TXNDC16: variants seen among roughly 807,000 people sequenced by gnomAD.
The protein encoded by TXNDC16 is thioredoxin domain-containing protein 16.
A neutral mutation model predicts 85.6 loss-of-function variants in TXNDC16; 74 were observed. The ratio of observed to expected loss-of-function variants is 0.86; its 90% CI spans 0.72 to 1.05. The LOEUF (loss-of-function observed/expected upper bound fraction) is 1.05, where lower values mean the gene tolerates loss of function less well. Ranked by LOEUF, TXNDC16 falls within the 50% of genes least tolerant of loss-of-function variation. TXNDC16 has a pLI of 0.00. For missense variants in TXNDC16, 959 were observed against 947.0 expected (o/e 1.01, Z -0.17); for synonymous variants, 335 against 326.5 (o/e 1.03, Z -0.28).
At chr14:52,530,113 T>C (rs1240325530) in intron 6 of TXNDC16, among the ~76,000 whole-genome samples, 2 of 93,846 alleles carry the variant, frequency 2.1e-5, no homozygotes, top group African/African-American at 8.9e-5. Context: ...ATATTTATAT[T>C]ATATATATTT....
chr14:52,511,114 A>G, intron 9 of TXNDC16, 126 bp downstream of exon 9: 3 of 736,880 alleles, frequency 4.1e-6, no homozygotes, highest in Non-Finnish European at 6.0e-6. Flanking sequence ...TATAACTGTC[A>G]TTCATCTAGT....
intron 6 of TXNDC16, among the ~76,000 whole-genome samples, chr14:52,529,701 A>C (rs33997980): frequency 2.6e-5 from 1 of 39,214 alleles, no homozygotes; most frequent in African/African-American, 1.7e-4. Flanking sequence ...ATTATATATA[A>C]TATATATAAT....
chr14:52,508,198 T>A (rs1275066885), intron 9 of TXNDC16, among the ~76,000 whole-genome samples: 2 of 151,946 alleles, frequency 1.3e-5, no homozygotes, highest in African/African-American at 2.4e-5. Context: ...GAATCTACAA[T>A]GAACTCAAAC....
chr14:52,517,479 C>T (rs1281239505), intron 7 of TXNDC16, among the ~76,000 whole-genome samples: 1 of 152,072 alleles, frequency 6.6e-6, no homozygotes, highest in East Asian at 1.9e-4. Context: ...GATTTTGTGT[C>T]TATTTCACTG....
intron 1 of TXNDC16, among the ~76,000 whole-genome samples, chr14:52,549,629 A>ATTTTTT (rs748701260): frequency 0.039 from 5,153 of 132,766 alleles, 153 homozygotes; most frequent in Non-Finnish European, 0.06. Context: ...AACAGTTCTG[A>ATTTTTT]TTTTTTTTTT....
At chr14:52,446,212 C>T (rs1184586704) in intron 18 of TXNDC16, among the ~76,000 whole-genome samples, 1 of 152,192 alleles carries the variant, frequency 6.6e-6, no homozygotes, top group Non-Finnish European at 1.5e-5. Flanking sequence ...CTTCTCCCAT[C>T]CCCTGGCAGT....
chr14:52,508,861 C>T (rs1315670210), intron 9 of TXNDC16, among the ~76,000 whole-genome samples: 1 of 151,748 alleles, frequency 6.6e-6, no homozygotes, highest in Non-Finnish European at 1.5e-5. Flanking sequence ...GACAAAAGAA[C>T]ACATTGACAC....
chr14:52,479,072 A>T (rs138208248), intron 14 of TXNDC16, among the ~76,000 whole-genome samples: 1 of 152,224 alleles, frequency 6.6e-6, no homozygotes, highest in South Asian at 2.1e-4. Context: ...TCACATGATC[A>T]TCTCAATAGA....
intron 9 of TXNDC16, among the ~76,000 whole-genome samples, chr14:52,504,879 T>C (rs1195671684): frequency 1.3e-5 from 2 of 152,054 alleles, no homozygotes; most frequent in African/African-American, 4.8e-5. Flanking sequence ...GAGGAAGATC[T>C]ACCAAGCAAA....
intron 6 of TXNDC16, among the ~76,000 whole-genome samples, chr14:52,519,602 T>C (rs2037163832): frequency 6.6e-6 from 1 of 152,218 alleles, no homozygotes; most frequent in Non-Finnish European, 1.5e-5. Context: ...TCTCTCAGCC[T>C]TGAACACATT....
At chr14:52,433,931 C>T (rs1374366285) in intron 20 of TXNDC16, among the ~76,000 whole-genome samples, 2 of 152,168 alleles carry the variant, frequency 1.3e-5, no homozygotes, top group Admixed American at 6.5e-5. Context: ...ACAATCCCAC[C>T]ACTTTGGGAA....
intron 1 of TXNDC16, among the ~76,000 whole-genome samples, chr14:52,545,066 T>C (rs2037914542): frequency 6.6e-6 from 1 of 152,144 alleles, no homozygotes; most frequent in South Asian, 2.1e-4. Context: ...CTATGTAACA[T>C]TCATTACTAT....
At chr14:52,433,984 G>T (rs2034967064) in intron 20 of TXNDC16, among the ~76,000 whole-genome samples, 1 of 152,072 alleles carries the variant, frequency 6.6e-6, no homozygotes, top group Non-Finnish European at 1.5e-5. Flanking sequence ...TTCAAAACCA[G>T]CCTGGGCAAC....
intron 6 of TXNDC16, among the ~76,000 whole-genome samples, chr14:52,522,914 C>A (rs1431657914): frequency 6.6e-6 from 1 of 152,178 alleles, no homozygotes; most frequent in Non-Finnish European, 1.5e-5. Context: ...AAGATAAGTT[C>A]ATGGGGCTTA....
chr14:52,549,748 C>T (rs1304135533), intron 1 of TXNDC16, among the ~76,000 whole-genome samples: 2 of 151,872 alleles, frequency 1.3e-5, no homozygotes, highest in Non-Finnish European at 2.9e-5. Flanking sequence ...TGCCATTCTC[C>T]TGTCTCAGCC....
chr14:52,504,925 A>T (rs7147887), intron 9 of TXNDC16, among the ~76,000 whole-genome samples: 14,747 of 151,948 alleles, frequency 0.097, 829 homozygotes, highest in East Asian at 0.18. Flanking sequence ...GCAATCCTAG[A>T]CTCTGATAAA....
At chr14:52,441,923 C>G (rs1029604184) in intron 18 of TXNDC16, among the ~76,000 whole-genome samples, 1 of 152,006 alleles carries the variant, frequency 6.6e-6, no homozygotes, top group South Asian at 2.1e-4. Flanking sequence ...TCTTTCACAC[C>G]TTTCTGTAAT....
intron 6 of TXNDC16, among the ~76,000 whole-genome samples, chr14:52,522,789 G>A (rs1209593445): frequency 6.6e-6 from 1 of 152,150 alleles, no homozygotes; most frequent in Non-Finnish European, 1.5e-5. Flanking sequence ...TTCTGCTTAA[G>A]CCAGTCAGAC....
chr14:52,469,461 A>C (rs939958146), intron 16 of TXNDC16, among the ~76,000 whole-genome samples: 2 of 152,168 alleles, frequency 1.3e-5, no homozygotes, highest in Non-Finnish European at 2.9e-5. Flanking sequence ...GTTAAATAAA[A>C]ACAAGATTCT....
Sources: allele counts gnomAD v4.1 joint callset (sites outside exome capture counted in the v4.1 genomes callset), GRCh38; gene constraint gnomAD v4.1.1; transcripts MANE v1.5; gene names NCBI Gene and HGNC (gene_info 2026-07-23, HGNC 2026-07-21).